The following CDH10 variants were observed in gnomAD, a reference collection of about 807,000 sequenced individuals.
The protein encoded by CDH10 is cadherin 10.
Under a neutral mutation model 73.1 loss-of-function variants are expected in CDH10, and 30 were observed. The ratio of observed to expected loss-of-function variants is 0.41; its 90% CI spans 0.31 to 0.56. CDH10 has a LOEUF of 0.56. Among genes scored for constraint, CDH10 ranks in the 20% least tolerant of loss-of-function variants. The probability of loss-of-function intolerance (pLI) is 0.27; values close to 1 mark genes in which losing one functional copy is unlikely to be tolerated. For missense variants in CDH10, 815 were observed against 973.7 expected (o/e 0.84, Z 2.17); for synonymous variants, 345 against 348.2 (o/e 0.99, Z 0.10).
chr5:24,523,881 A>G (rs1376875196), intron 5 of CDH10, among the ~76,000 whole-genome samples: 6 of 152,118 alleles, frequency 3.9e-5, no homozygotes, highest in Admixed American at 3.9e-4. Context: ...TAAATTTTTT[A>G]AAATTTTACT....
At chr5:24,597,651 T>C (rs1314186822) in intron 1 of CDH10, among the ~76,000 whole-genome samples, 4 of 152,082 alleles carry the variant, frequency 2.6e-5, no homozygotes, top group African/African-American at 7.2e-5. Context: ...TTTGTCTCAC[T>C]GGGTCTCATT....
At chr5:24,612,314 A>G (rs1360441700) in intron 1 of CDH10, 1 of 152,226 alleles carries the variant, frequency 6.6e-6, no homozygotes, top group Non-Finnish European at 1.5e-5. Flanking sequence ...TCCCTGAACT[A>G]CAATAAATGC....
chr5:24,497,526 A>G lies in CDH10; in HGVS notation c.1515+872T>C, dbSNP rs1383323990. Among the ~76,000 whole-genome samples, 2 of 152,254 alleles carry G rather than the reference A, an allele frequency of 1.3e-5. 1 individual carries two copies. The highest frequency in any genetic ancestry group is 4.8e-5 in the African/African-American group (2 of 41,480). On this transcript the variant is annotated intron_variant, in intron 9 of 11. Coordinates refer to ENST00000264463, the MANE Select transcript of CDH10 (RefSeq NM_006727.5). ...TATTCAAACAACAGACAGGCTATTGAATTCTTGTTAGAATCTTCAAAAGGA... is the reference window on the plus strand; with the variant it reads ...TATTCAAACAACAGACAGGCTATTGGATTCTTGTTAGAATCTTCAAAAGGA...
At chr5:24,640,545 G>T (rs1369430510) in intron 1 of CDH10, among the ~76,000 whole-genome samples, 2 of 146,464 alleles carry the variant, frequency 1.4e-5, no homozygotes, top group Non-Finnish European at 3.0e-5. Flanking sequence ...AAAAAAAAAA[G>T]AAAAGATTGA....
intron 1 of CDH10, among the ~76,000 whole-genome samples, chr5:24,642,758 A>AC (rs1748093588): frequency 6.6e-6 from 1 of 152,088 alleles, no homozygotes; most frequent in Non-Finnish European, 1.5e-5. Flanking sequence ...ATGCTCATAC[A>AC]GTTTACCTTC....
intron 1 of CDH10, among the ~76,000 whole-genome samples, chr5:24,637,447 A>C (rs1747901999): frequency 2.6e-5 from 4 of 152,008 alleles, no homozygotes; most frequent in Admixed American, 2.6e-4. Flanking sequence ...AAACATTTAG[A>C]GCACAACTAC....
At chr5:24,577,402 G>A (rs972646825) in intron 2 of CDH10, among the ~76,000 whole-genome samples, 12 of 151,836 alleles carry the variant, frequency 7.9e-5, no homozygotes, top group East Asian at 5.8e-4. Flanking sequence ...TCATTAATAC[G>A]TTTTTCAAAA....
intron 5 of CDH10, among the ~76,000 whole-genome samples, chr5:24,533,283 C>T (rs1256821768): frequency 6.6e-6 from 1 of 151,684 alleles, no homozygotes; most frequent in Non-Finnish European, 1.5e-5. Flanking sequence ...GCCAAGATCA[C>T]ACCACTGCAC....
In CDH10 at chr5:24,535,113, C is replaced by G. The variant is rs2111875801; in HGVS notation, c.813G>C (p.Gln271His). The G allele has an allele frequency of 6.2e-7, 1 of 1,603,794 alleles. No homozygotes were observed. The highest frequency in any genetic ancestry group is 8.5e-7 in the Non-Finnish European group (1 of 1,176,998). The change falls in exon 5 of 12, where the codon CAG becomes CAC. Residue 271 changes from glutamine to histidine, a missense_variant and splice_region_variant. This residue lies in a region of CDH10 where 516 missense variants were observed against 636.6 expected (regional missense o/e 0.81). Coordinates refer to ENST00000264463, the MANE Select transcript of CDH10 (RefSeq NM_006727.5). ...GAATGACCATTAAAGGGTGCTTACT[C>G]TGGGGGAAACGTGGTGGGTTGTCAT... Reference protein sequence around the residue: ...DVNDNPPRFPQNTIHLRVLES... With the variant: ...DVNDNPPRFPHNTIHLRVLES...
rs35486231 is a variant in CDH10 at position 24,586,434 on chromosome 5, C to CTTTTTTT, written c.231+6819_231+6825dup. Among the ~76,000 whole-genome samples, 296 of 100,374 alleles carry CTTTTTTT rather than the reference C, an allele frequency of 2.9e-3. 7 individuals are homozygous for CTTTTTTT. Among genetic ancestry groups the CTTTTTTT allele is most frequent in the African/African-American group, 8.9e-3 (217 of 24,290 alleles). The allele number at this position is 100,374 out of a possible 152,430, so 65.8% of individuals were successfully genotyped here. The stretch of plus-strand genomic sequence containing the variant: ...GAAAATTTACATGCTTTATTAACTC[C>CTTTTTTT]TTTTTTTTTTTTTTTTTTTTTTGAG... On this transcript the variant is annotated intron_variant, in intron 2 of 11. Coordinates refer to ENST00000264463, the MANE Select transcript of CDH10 (RefSeq NM_006727.5).
At chr5:24,621,603 T>C (rs1747317894) in intron 1 of CDH10, among the ~76,000 whole-genome samples, 2 of 152,114 alleles carry the variant, frequency 1.3e-5, no homozygotes, top group Admixed American at 6.5e-5. Flanking sequence ...TGTGGAGAGA[T>C]TTCTATTTTA....
At chr5:24,643,131 C>T (rs1318676929) in intron 1 of CDH10, among the ~76,000 whole-genome samples, 1 of 152,148 alleles carries the variant, frequency 6.6e-6, no homozygotes, top group Admixed American at 6.5e-5. Flanking sequence ...ACCATTACTT[C>T]CTTATGCATT....
Position 24,632,586 on chromosome 5 carries a change from T to G in CDH10, c.-124+12008A>C, listed in dbSNP as rs543779997. On this transcript the variant is annotated intron_variant, in intron 1 of 11. Transcript: ENST00000264463. ...ATTGGGCTGTGCATGAGAAATGGCA[T>G]GCTCTGACCACTTGTTCTATATTAA... 2.0e-5 allele frequency among the ~76,000 whole-genome samples: 3 copies of G among 152,150 alleles called. No individual in the cohort carries two copies. In the South Asian group the frequency reaches 6.2e-4, roughly 31 times the overall value.
At chr5:24,629,083 T>C (rs1477938950) in intron 1 of CDH10, among the ~76,000 whole-genome samples, 2 of 152,132 alleles carry the variant, frequency 1.3e-5, no homozygotes, top group Non-Finnish European at 2.9e-5. Context: ...AGAGAATATG[T>C]GTTTAAAACA....
chr5:24,608,632 T>C (rs1051577044), intron 1 of CDH10, among the ~76,000 whole-genome samples: 1 of 152,164 alleles, frequency 6.6e-6, no homozygotes, highest in African/African-American at 2.4e-5. Flanking sequence ...AAATATAAAG[T>C]AGTAGTAAAA....
rs115510980 is a variant in CDH10 at position 24,603,833 on chromosome 5, G to A, written c.-123-10220C>T. Among the ~76,000 whole-genome samples, 537 of 152,020 alleles carry A rather than the reference G, an allele frequency of 3.5e-3. 3 individuals carry two copies. Among genetic ancestry groups the A allele is most frequent in the Non-Finnish European group, 5.6e-3 (381 of 67,980 alleles). On this transcript the variant is annotated intron_variant, in intron 1 of 11. Transcript: ENST00000264463. ...TGGTTGTCCTAGCCAAAGCAGTGAG[G>A]CAAAGAAAAAAGAAATGGAAATCAT...
At chr5:24,633,568 A>G (rs996838115) in intron 1 of CDH10, among the ~76,000 whole-genome samples, 4 of 151,850 alleles carry the variant, frequency 2.6e-5, no homozygotes, top group Admixed American at 6.6e-5. Flanking sequence ...TGTGTTGAAC[A>G]CCAGAGGATT....
At chr5:24,498,690 G>A (rs914395625) in intron 8 of CDH10, among the ~76,000 whole-genome samples, 171 bp from the exon 9 acceptor site, 12 of 152,132 alleles carry the variant, frequency 7.9e-5, no homozygotes, top group Admixed American at 6.5e-5. Flanking sequence ...GCCTAATTAA[G>A]TAGTCATGAA....
At chr5:24,622,082 C>T (rs1185609832) in intron 1 of CDH10, among the ~76,000 whole-genome samples, 11 of 152,136 alleles carry the variant, frequency 7.2e-5, no homozygotes, top group Admixed American at 5.2e-4. Context: ...AGAAGACTAA[C>T]ACGATCTCAT....
Sources: allele counts gnomAD v4.1 joint callset (sites outside exome capture counted in the v4.1 genomes callset), GRCh38; gene constraint gnomAD v4.1.1; regional missense constraint gnomAD v4.1.1; transcripts MANE v1.5; gene names NCBI Gene and HGNC (gene_info 2026-07-23, HGNC 2026-07-21).